ANXA2: variants seen among roughly 807,000 people sequenced by gnomAD.
ANXA2 encodes the protein annexin A2.
In ANXA2, 28 loss-of-function variants were observed where a neutral mutation model predicts 47.3. That is an observed-to-expected ratio of 0.59 (90% CI 0.44 to 0.81). The LOEUF is 0.81. Among genes scored for constraint, ANXA2 ranks in the 40% least tolerant of loss-of-function variants. ANXA2 has a pLI of 0.00. For synonymous variants in ANXA2, 172 were observed against 155.5 expected (o/e 1.11, Z -0.79); for missense variants, 384 against 414.3 (o/e 0.93, Z 0.64).
intron 3 of ANXA2, among the ~76,000 whole-genome samples, chr15:60,375,278 C>T (rs1483647962): frequency 6.6e-6 from 1 of 152,140 alleles, no homozygotes; most frequent in Non-Finnish European, 1.5e-5. Flanking sequence ...CCGGAGAACA[C>T]AAATACTGCT....
chr15:60,351,727 G>A lies in ANXA2; in HGVS notation c.775C>T (p.Leu259=). 6.2e-7 allele frequency: 1 copy of A among 1,607,528 alleles called. No individual in the cohort carries two copies. Among genetic ancestry groups the A allele is most frequent in the Non-Finnish European group, 8.5e-7 (1 of 1,174,144 alleles). ...AATGGGGGCCACATTCACTTACCCA[G>A]GTTCAGGAAAGCATTTTCCAGGTCT... ...KGDLENAFLN[L]VQCIQNKPLY... is the part of the protein sequence containing the mutation. Residue 259 remains leucine (L), a synonymous_variant, in exon 10 of 13, where the codon CTG becomes TTG. Transcript: ENST00000451270.
intron 6 of ANXA2, among the ~76,000 whole-genome samples, chr15:60,356,212 A>G (rs1397417008): frequency 6.6e-6 from 1 of 152,194 alleles, no homozygotes; most frequent in Non-Finnish European, 1.5e-5. Context: ...AACAGGGGGC[A>G]GCAGGGCTAG....
intron 6 of ANXA2, among the ~76,000 whole-genome samples, chr15:60,356,204 CAG>C (rs112353426): frequency 0.018 from 2,800 of 152,204 alleles, 87 homozygotes; most frequent in African/African-American, 0.064. Context: ...TTATCCATAA[CAG>C]GGGGCAGCAG....
chr15:60,362,418 T>G (rs1281966660), intron 4 of ANXA2, among the ~76,000 whole-genome samples: 1 of 152,184 alleles, frequency 6.6e-6, no homozygotes, highest in Non-Finnish European at 1.5e-5. Flanking sequence ...ACTCCAGAAA[T>G]GTATGATAAA....
chr15:60,355,829 GGAT>G, intron 7 of ANXA2, 87 bp downstream of exon 7: 1 of 1,080,382 alleles, frequency 9.3e-7, no homozygotes, highest in South Asian at 1.2e-5. Context: ...CAGGCACAGG[GGAT>G]TTAGTTAATT....
At chr15:60,362,180 T>C (rs552816469) in intron 4 of ANXA2, among the ~76,000 whole-genome samples, 9 of 152,184 alleles carry the variant, frequency 5.9e-5, no homozygotes, top group African/African-American at 1.4e-4. Context: ...AAGCAGTAGC[T>C]CCCAATTATA....
At chr15:60,396,994 A>G (rs2063088690) in intron 1 of ANXA2, among the ~76,000 whole-genome samples, 1 of 152,156 alleles carries the variant, frequency 6.6e-6, no homozygotes, top group Non-Finnish European at 1.5e-5. Context: ...TGAAATCTCC[A>G]ATAACTCTGG....
intron 3 of ANXA2, among the ~76,000 whole-genome samples, chr15:60,378,361 A>G (rs1261709290): frequency 6.6e-6 from 1 of 152,158 alleles, no homozygotes; most frequent in African/African-American, 2.4e-5. Flanking sequence ...TATTTTTCCT[A>G]TCTACATTCT....
At chr15:60,390,013 A>G (rs901819957) in intron 1 of ANXA2, among the ~76,000 whole-genome samples, 1 of 152,224 alleles carries the variant, frequency 6.6e-6, no homozygotes, top group African/African-American at 2.4e-5. Context: ...AAAGCAGTAG[A>G]AAGTATATGG....
At chr15:60,361,148 G>A (rs1351772115) in intron 4 of ANXA2, 94 bp from the exon 5 acceptor site, 5 of 882,366 alleles carry the variant, frequency 5.7e-6, no homozygotes, top group Non-Finnish European at 9.3e-6. Context: ...TGTGAAGCAG[G>A]TTGTGAGTCT....
intron 1 of ANXA2, among the ~76,000 whole-genome samples, chr15:60,394,993 G>GA (rs34280964): frequency 6.6e-6 from 1 of 151,576 alleles, no homozygotes; most frequent in Non-Finnish European, 1.5e-5. Context: ...ATTCTCATGT[G>GA]AAAAAAAAGA....
At chr15:60,368,844 C>T (rs2062675085) in intron 3 of ANXA2, among the ~76,000 whole-genome samples, 1 of 152,110 alleles carries the variant, frequency 6.6e-6, no homozygotes, top group South Asian at 2.1e-4. Flanking sequence ...CCCTGTATAA[C>T]TCTAAATACT....
chr15:60,386,238 A>T (rs1029703863), intron 1 of ANXA2, 152 bp from the exon 2 acceptor site: 1 of 611,628 alleles, frequency 1.6e-6, no homozygotes, highest in Non-Finnish European at 2.9e-6. Flanking sequence ...CCATCTTACG[A>T]CTGTAAAAAC....
chr15:60,397,565 G>C (rs187562453), intron 1 of ANXA2, among the ~76,000 whole-genome samples: 1,608 of 152,268 alleles, frequency 0.011, 29 homozygotes, highest in African/African-American at 0.037. Flanking sequence ...GGGGACCTGC[G>C]GCTCCCTGGG....
intron 3 of ANXA2, among the ~76,000 whole-genome samples, chr15:60,380,721 TTGAG>T (rs1436662423): frequency 2.7e-5 from 4 of 148,224 alleles, no homozygotes; most frequent in African/African-American, 1.0e-4. Context: ...GAAGAATCAC[TTGAG>T]CCCGGGAGGT....
intron 3 of ANXA2, among the ~76,000 whole-genome samples, chr15:60,379,828 A>G (rs1197283454): frequency 6.6e-6 from 1 of 152,228 alleles, no homozygotes; most frequent in Non-Finnish European, 1.5e-5. Flanking sequence ...GTTTCTGTCT[A>G]AAAACTACAG....
intron 10 of ANXA2, 163 bp from the exon 11 acceptor site, chr15:60,351,414 A>C: frequency 1.4e-6 from 1 of 713,676 alleles, no homozygotes; most frequent in Non-Finnish European, 2.4e-6. Context: ...AATCCTCTGC[A>C]ATACTAAGTT....
At chr15:60,358,561 T>C (rs779677952) in intron 5 of ANXA2, among the ~76,000 whole-genome samples, 10 of 152,244 alleles carry the variant, frequency 6.6e-5, no homozygotes, top group Non-Finnish European at 1.2e-4. Flanking sequence ...TAATATAAGC[T>C]AAGCCTCAGG....
In ANXA2 at chr15:60,351,868, C is replaced by A. The variant is rs1487042416; in HGVS notation, c.683-49G>T. The A allele has an allele frequency of 3.0e-6, 4 of 1,312,752 alleles. No individual in the cohort carries two copies. The African/African-American group carries it at 5.8e-5, about 19-fold the overall frequency. 81.3% of individuals were successfully genotyped at this position (1,312,752 alleles called of 1,614,324 possible). A position where few individuals can be genotyped will look rare whatever the true frequency, so the allele number is the denominator to read the frequency against. ...ATCAGATCCGAGCCACTAGTCAAAG[C>A]TGTCAACGATCACCCACCTAGTTTT... On this transcript the variant is annotated intron_variant, in intron 9 of 12. Transcript: ENST00000451270.
Sources: gnomAD v4.1 joint callset for allele counts (sites outside exome capture counted in the v4.1 genomes callset) on GRCh38, gnomAD v4.1.1 for gene constraint, MANE v1.5 for transcripts, NCBI Gene and HGNC (gene_info 2026-07-23, HGNC 2026-07-21) for gene names.